USO1: variants seen among roughly 807,000 people sequenced by gnomAD.
USO1 encodes general vesicular transport factor p115.
In USO1, 57 loss-of-function variants were observed where a neutral mutation model predicts 124.5. That is an observed-to-expected ratio of 0.46 (90% CI 0.37 to 0.57). USO1 has a LOEUF of 0.57. Among genes scored for constraint, USO1 ranks in the 20% least tolerant of loss-of-function variants. USO1 has a pLI of 0.00. For missense variants in USO1, 900 were observed against 1,040.6 expected (o/e 0.86, Z 1.86); for synonymous variants, 369 against 362.8 (o/e 1.02, Z -0.19).
At position 75,724,726 on chromosome 4, in the gene USO1, G is replaced by C; in HGVS notation, c.-94G>C. 7.6e-7 allele frequency: 1 copy of C among 1,322,534 alleles called. No homozygotes were observed. Among genetic ancestry groups the C allele is most frequent in the African/African-American group, 1.4e-5 (1 of 69,152 alleles). 81.9% of individuals were successfully genotyped at this position (1,322,534 alleles called of 1,614,324 possible). A position where few individuals can be genotyped will look rare whatever the true frequency, so the allele number is the denominator to read the frequency against. Reference sequence around the variant, plus strand: ...GGTGGCAGCAGTAGGAGTGTGTAGAGTGCGGGATTGGGGCCCAGGCCCTGC... The same window carrying C: ...GGTGGCAGCAGTAGGAGTGTGTAGACTGCGGGATTGGGGCCCAGGCCCTGC... On this transcript the variant is annotated 5_prime_UTR_variant, in exon 1 of 24. Coordinates refer to ENST00000514213, the MANE Select transcript of USO1 (RefSeq NM_003715.4).
At chr4:75,759,686 G>C (rs1406108255) in intron 4 of USO1, among the ~76,000 whole-genome samples, 1 of 147,910 alleles carries the variant, frequency 6.8e-6, no homozygotes, top group Non-Finnish European at 1.5e-5. Flanking sequence ...AGACAGGCAG[G>C]TCACCTGAGG....
At chr4:75,792,022 CTTTTT>C (rs35321728) in intron 12 of USO1, among the ~76,000 whole-genome samples, 1 of 136,616 alleles carries the variant, frequency 7.3e-6, no homozygotes, top group Non-Finnish European at 1.6e-5. Flanking sequence ...TGAAATGCTT[CTTTTT>C]TTTTTTTTTT....
intron 8 of USO1, among the ~76,000 whole-genome samples, chr4:75,782,114 C>T (rs998152976): frequency 6.6e-6 from 1 of 152,120 alleles, no homozygotes; most frequent in African/African-American, 2.4e-5. Flanking sequence ...TTTTAGAAAT[C>T]AAGGGAAGTT....
intron 4 of USO1, among the ~76,000 whole-genome samples, chr4:75,768,966 G>A (rs1420451010): frequency 6.6e-6 from 1 of 152,170 alleles, no homozygotes; most frequent in African/African-American, 2.4e-5. Flanking sequence ...CTGATTCTCT[G>A]TATACTTCCA....
chr4:75,760,139 G>C (rs1721562743), intron 4 of USO1, among the ~76,000 whole-genome samples: 1 of 152,126 alleles, frequency 6.6e-6, no homozygotes, highest in South Asian at 2.1e-4. Flanking sequence ...TTGAACCCGG[G>C]AGGCGGAGGT....
chr4:75,760,144 G>A (rs1478767335), intron 4 of USO1, among the ~76,000 whole-genome samples: 3 of 151,890 alleles, frequency 2.0e-5, no homozygotes, highest in Non-Finnish European at 2.9e-5. Flanking sequence ...CCCGGGAGGC[G>A]GAGGTTGCAG....
Position 75,790,707 on chromosome 4 carries a change from GCTGTTCT to G in USO1, c.1153_1159del (p.Val385IlefsTer109). On this transcript the variant is annotated frameshift_variant, in exon 12 of 24. Coordinates refer to ENST00000514213, the MANE Select transcript of USO1 (RefSeq NM_003715.4). LOFTEE classifies it high-confidence loss of function. Reference sequence around the variant, plus strand: ...AAGGCAGCCATTTGTTTTGCGCTGTGCTGTTCTCTATTGTTTCCAGTGTTTCTTGTAT... The same window carrying G: ...AAGGCAGCCATTTGTTTTGCGCTGTGCTATTGTTTCCAGTGTTTCTTGTAT... 1 of 1,613,704 alleles carries G rather than the reference GCTGTTCT, an allele frequency of 6.2e-7. No homozygotes were observed. The highest frequency in any genetic ancestry group is 8.5e-7 in the Non-Finnish European group (1 of 1,179,732).
At chr4:75,812,495 A>G in intron 23 of USO1, 120 bp downstream of exon 23, 1 of 1,240,980 alleles carries the variant, frequency 8.1e-7, no homozygotes, top group Non-Finnish European at 1.1e-6. Flanking sequence ...ATGTGGGTTC[A>G]TGAATATGGT....
At chr4:75,757,950 A>G (rs1254058183) in intron 4 of USO1, among the ~76,000 whole-genome samples, 1 of 152,148 alleles carries the variant, frequency 6.6e-6, no homozygotes, top group Non-Finnish European at 1.5e-5. Context: ...AGTTTTTCCT[A>G]ATAAATACTT....
At chr4:75,750,797 A>G (rs1721279395) in intron 1 of USO1, among the ~76,000 whole-genome samples, 1 of 152,128 alleles carries the variant, frequency 6.6e-6, no homozygotes, top group South Asian at 2.1e-4. Flanking sequence ...TTTTTCTTTT[A>G]TGAATGTGGC....
At chr4:75,793,401 T>C (rs1199767953) in intron 12 of USO1, among the ~76,000 whole-genome samples, 1 of 151,912 alleles carries the variant, frequency 6.6e-6, no homozygotes, top group Non-Finnish European at 1.5e-5. Context: ...CACCTCAGCC[T>C]TCCAAAGTGC....
At chr4:75,737,228 A>G (rs1015864528) in intron 1 of USO1, among the ~76,000 whole-genome samples, 1 of 152,184 alleles carries the variant, frequency 6.6e-6, no homozygotes, top group Non-Finnish European at 1.5e-5. Flanking sequence ...CTAAAATATA[A>G]ATAGTAATAT....
At chr4:75,790,333 T>A (rs1722493283) in intron 11 of USO1, 95 bp downstream of exon 11, 1 of 1,429,804 alleles carries the variant, frequency 7.0e-7, no homozygotes, top group Admixed American at 2.6e-5. Context: ...TTTAAAGAAG[T>A]TTAGTTGTAT....
intron 7 of USO1, among the ~76,000 whole-genome samples, chr4:75,771,459 C>T (rs886305099): frequency 6.6e-6 from 1 of 152,164 alleles, no homozygotes; most frequent in Non-Finnish European, 1.5e-5. Flanking sequence ...CCTGGCTATC[C>T]AGTATTTTGG....
At chr4:75,808,887 T>C in intron 20 of USO1, 66 bp from the exon 21 acceptor site, 7 of 1,480,470 alleles carry the variant, frequency 4.7e-6, no homozygotes, top group Non-Finnish European at 6.3e-6. Flanking sequence ...AATGTCTCCC[T>C]GTAAATATTT....
intron 1 of USO1, among the ~76,000 whole-genome samples, chr4:75,748,318 A>G (rs1721192690): frequency 6.6e-6 from 1 of 150,436 alleles, no homozygotes; most frequent in African/African-American, 2.5e-5. Flanking sequence ...CCTTCTGAAC[A>G]GCTGAGACTA....
intron 1 of USO1, among the ~76,000 whole-genome samples, chr4:75,751,503 A>G (rs996259720): frequency 7.1e-6 from 1 of 141,514 alleles, no homozygotes; most frequent in Admixed American, 7.0e-5. Flanking sequence ...TGAGCCACTG[A>G]GCCCGGCCAA....
intron 1 of USO1, among the ~76,000 whole-genome samples, chr4:75,730,180 A>G (rs921736944): frequency 2.2e-4 from 33 of 152,304 alleles, no homozygotes; most frequent in African/African-American, 5.5e-4. Flanking sequence ...GCTTTTTGGA[A>G]GGTTAATTTT....
Position 75,752,537 on chromosome 4 carries a change from C to T in USO1, c.154-3C>T, listed in dbSNP as rs949444031. 1.0e-5 allele frequency: 4 copies of T among 398,288 alleles called. No homozygotes were observed. The highest frequency in any genetic ancestry group is 2.1e-5 in the African/African-American group (1 of 48,590). 24.7% of individuals were successfully genotyped at this position (398,288 alleles called of 1,614,324 possible). On this transcript the variant is annotated splice_polypyrimidine_tract_variant and splice_region_variant and intron_variant, in intron 2 of 23. Transcript: ENST00000514213. ...TAGTAACATTTTTATTTTTTATGTG[C>T]AGAAATACCGCTTGGAAGTGGGTAT...
Sources: gnomAD v4.1 joint callset for allele counts (sites outside exome capture counted in the v4.1 genomes callset) on GRCh38, gnomAD v4.1.1 for gene constraint, MANE v1.5 for transcripts, NCBI Gene and HGNC (gene_info 2026-07-23, HGNC 2026-07-21) for gene names.